The following LOXHD1 variants were observed in gnomAD, a reference collection of about 807,000 sequenced individuals.
The protein encoded by LOXHD1 is lipoxygenase homology PLAT domains 1, also known as lipoxygenase homology domain-containing protein 1.
In LOXHD1, 205 loss-of-function variants were observed where a neutral mutation model predicts 248.2. That is an observed-to-expected ratio of 0.83 (90% confidence interval 0.74 to 0.93). The LOEUF is 0.93. Among genes scored for constraint, LOXHD1 ranks in the 40% least tolerant of loss-of-function variants. LOXHD1 has a pLI of 0.00. For missense variants in LOXHD1, 2,930 were observed against 2,971.6 expected (o/e 0.99, Z 0.33); for synonymous variants, 1,113 against 1,162.8 (o/e 0.96, Z 0.87).
At chr18:46,520,814 C>G (rs947255223) in intron 33 of LOXHD1, 24 of 404,946 alleles carry the variant, frequency 5.9e-5, no homozygotes, top group African/African-American at 4.8e-4. Context: ...ATACATGGAA[C>G]AGGCCATGAG....
At chr18:46,647,076 T>A (rs2039040499) in intron 2 of LOXHD1, among the ~76,000 whole-genome samples, 1 of 152,168 alleles carries the variant, frequency 6.6e-6, no homozygotes. Flanking sequence ...ACCTGGAACA[T>A]GGTCCATATA....
At chr18:46,607,466 GATAC>G (rs2038435134) in intron 6 of LOXHD1, among the ~76,000 whole-genome samples, 1 of 149,756 alleles carries the variant, frequency 6.7e-6, no homozygotes, top group Non-Finnish European at 1.5e-5. Flanking sequence ...GTGATAATAT[GATAC>G]ATATATATAG....
At chr18:46,580,579 C>T (rs1255425742) in intron 12 of LOXHD1, among the ~76,000 whole-genome samples, 1 of 152,176 alleles carries the variant, frequency 6.6e-6, no homozygotes, top group African/African-American at 2.4e-5. Context: ...TTACTGAAGC[C>T]TAGTAGGTGC....
chr18:46,604,440 C>T (rs1041161804), intron 6 of LOXHD1, among the ~76,000 whole-genome samples: 3 of 152,336 alleles, frequency 2.0e-5, no homozygotes, highest in Admixed American at 1.3e-4. Context: ...CGATTACCTT[C>T]TGACTTGAAT....
At chr18:46,533,431 C>G (rs905690043) in intron 27 of LOXHD1, 107 bp from the exon 28 acceptor site, 34 of 1,295,250 alleles carry the variant, frequency 2.6e-5, no homozygotes, top group Non-Finnish European at 3.3e-5. Flanking sequence ...GATCATGGGG[C>G]CCCATAAATA....
chr18:46,640,581 T>C (rs895482748), intron 3 of LOXHD1, among the ~76,000 whole-genome samples: 1 of 152,212 alleles, frequency 6.6e-6, no homozygotes, highest in Non-Finnish European at 1.5e-5. Flanking sequence ...TTTAATTCCA[T>C]TTACCATCTC....
intron 40 of LOXHD1, among the ~76,000 whole-genome samples, chr18:46,482,385 T>G (rs769941145): frequency 2.0e-5 from 3 of 152,126 alleles, no homozygotes; most frequent in Non-Finnish European, 4.4e-5. Flanking sequence ...ACCAGAGCTC[T>G]CTCTCTCTGC....
chr18:46,503,899 A>C (rs1021371485), intron 37 of LOXHD1, among the ~76,000 whole-genome samples: 1 of 152,096 alleles, frequency 6.6e-6, no homozygotes, highest in African/African-American at 2.4e-5. Context: ...GGTGGCTGGC[A>C]AGATGGGCCG....
intron 40 of LOXHD1, among the ~76,000 whole-genome samples, chr18:46,479,236 A>ATG (rs10645069): frequency 0.45 from 64,750 of 142,548 alleles, 15,622 homozygotes; most frequent in African/African-American, 0.65. Context: ...ATATATATGT[A>ATG]TGTGTGTGTG....
At chr18:46,593,801 G>A (rs1599035809) in intron 9 of LOXHD1, 41 bp from the exon 10 acceptor site, 4 of 1,546,736 alleles carry the variant, frequency 2.6e-6, no homozygotes, top group South Asian at 1.2e-5. Context: ...TTCAGGAAGT[G>A]AAGAGATTTT....
chr18:46,596,236 C>A (rs760883492), intron 8 of LOXHD1, among the ~76,000 whole-genome samples: 1 of 152,072 alleles, frequency 6.6e-6, no homozygotes, highest in Non-Finnish European at 1.5e-5. Context: ...AACTAGGTAG[C>A]CTGAAAAGCC....
Position 46,656,886 on chromosome 18 carries a change from C to T in LOXHD1, c.130+18G>A. On this transcript the variant is annotated intron_variant, in intron 1 of 40. Transcript: ENST00000642948. The stretch of plus-strand genomic sequence containing the variant: ...AGCCAGCTGCACCACCCGCCCCCCG[C>T]AGGCTGGGACCCCGCACCTCTGGCC... 1 of 1,550,332 alleles carries T rather than the reference C, an allele frequency of 6.5e-7. No homozygotes were observed. The highest frequency in any genetic ancestry group is 8.7e-7 in the Non-Finnish European group (1 of 1,145,936).
chr18:46,656,930 A>T lies in LOXHD1; in HGVS notation c.104T>A (p.Leu35Gln), dbSNP rs753440686. The T allele has an allele frequency of 6.4e-7, 1 of 1,551,420 alleles. No individual in the cohort carries two copies. The highest frequency in any genetic ancestry group is 8.7e-7 in the Non-Finnish European group (1 of 1,146,862). The change falls in exon 1 of 41, where the codon CTG becomes CAG. Residue 35 changes from leucine to glutamine, a missense_variant. Transcript: ENST00000642948. Reference protein sequence around the residue: ...NYASEDDEGELEHEYYKARVY... With the variant: ...NYASEDDEGEQEHEYYKARVY... ...TCTGGCCTTGTAGTACTCGTGTTCC[A>T]GCTCCCCCTCGTCGTCCTCCGAGGC... is the stretch of plus-strand genomic sequence containing the variant.
chr18:46,543,669 C>T (rs1486656016), intron 23 of LOXHD1, among the ~76,000 whole-genome samples: 1 of 152,038 alleles, frequency 6.6e-6, no homozygotes, highest in Non-Finnish European at 1.5e-5. Context: ...GGTGTGTGTT[C>T]TTTCACTGAG....
In LOXHD1 at chr18:46,534,321, A is replaced by C. The variant is rs1555672903; in HGVS notation, c.4212+14T>G. ...GACAAAAGAAACAGCAGGACAGACC[A>C]GTCAACAACTCACGTCTTTATCCGG... On this transcript the variant is annotated intron_variant, in intron 27 of 40. Transcript: ENST00000642948. The C allele has an allele frequency of 6.5e-7, 1 of 1,534,930 alleles. No individual in the cohort carries two copies. Among genetic ancestry groups the C allele is most frequent in the Non-Finnish European group, 8.8e-7 (1 of 1,131,878 alleles).
At chr18:46,509,631 A>G in intron 35 of LOXHD1, 67 bp downstream of exon 35, 1 of 1,189,460 alleles carries the variant, frequency 8.4e-7, no homozygotes, top group Non-Finnish European at 1.2e-6. Flanking sequence ...TCCATTGACA[A>G]GCCAGAGGAA....
chr18:46,577,646 C>A, intron 14 of LOXHD1, 61 bp downstream of exon 14: 3 of 1,515,808 alleles, frequency 2.0e-6, no homozygotes, highest in Non-Finnish European at 2.7e-6. Context: ...GCTGGGTCTT[C>A]CCAAAACACA....
At chr18:46,487,353 A>G (rs2033134579) in intron 38 of LOXHD1, among the ~76,000 whole-genome samples, 1 of 152,244 alleles carries the variant, frequency 6.6e-6, no homozygotes, top group East Asian at 1.9e-4. Flanking sequence ...GGAAAGGGGC[A>G]GGATGCAGGG....
intron 29 of LOXHD1, among the ~76,000 whole-genome samples, 152 bp from the exon 30 acceptor site, chr18:46,525,069 C>T (rs928515222): frequency 8.5e-5 from 13 of 152,230 alleles, no homozygotes; most frequent in Non-Finnish European, 1.8e-4. Context: ...ATCCCCAACA[C>T]CGAGCCTGTG....
Sources: allele counts gnomAD v4.1 joint callset (sites outside exome capture counted in the v4.1 genomes callset), GRCh38; gene constraint gnomAD v4.1.1; transcripts MANE v1.5; gene names NCBI Gene and HGNC (gene_info 2026-07-23, HGNC 2026-07-21).